The following NUP88 variants were observed in gnomAD, a reference collection of about 807,000 sequenced individuals.
NUP88 encodes nuclear pore complex protein Nup88.
Under a neutral mutation model 93.9 loss-of-function variants are expected in NUP88, and 57 were observed. That is an observed-to-expected ratio of 0.61 (90% CI 0.49 to 0.76). NUP88 has a LOEUF of 0.76. Among genes scored for constraint, NUP88 ranks in the 30% least tolerant of loss-of-function variants. The pLI, the probability that NUP88 is intolerant of heterozygous loss-of-function variation, is 0.00. For synonymous variants in NUP88, 346 were observed against 336.8 expected (o/e 1.03, Z -0.30); for missense variants, 911 against 901.0 (o/e 1.01, Z -0.14).
chr17:5,387,498 G>A (rs750417903), intron 13 of NUP88, 32 bp from the exon 14 acceptor site: 3 of 1,607,896 alleles, frequency 1.9e-6, no homozygotes, highest in Non-Finnish European at 2.6e-6. Context: ...GACTCTTGAG[G>A]TCCACCCCTT....
At chr17:5,391,377 C>A (rs1912404916) in intron 10 of NUP88, 184 bp downstream of exon 10, 1 of 548,140 alleles carries the variant, frequency 1.8e-6, no homozygotes, top group Non-Finnish European at 3.3e-6. Flanking sequence ...AGAAACTATA[C>A]CTACAATGAA....
chr17:5,413,976 C>G (rs1806262), intron 3 of NUP88, 33 bp downstream of exon 3: 17 of 1,607,218 alleles, frequency 1.1e-5, no homozygotes, highest in Non-Finnish European at 1.4e-5. Flanking sequence ...CTTTCCCACT[C>G]GCAAGGCTTC....
intron 7 of NUP88, among the ~76,000 whole-genome samples, chr17:5,400,973 C>T (rs187979229): frequency 4.1e-4 from 63 of 152,270 alleles, no homozygotes; most frequent in African/African-American, 1.5e-3. Context: ...TCTGTACCTC[C>T]TTTGAGCCCC....
At chr17:5,417,729 C>T (rs765397697) in intron 1 of NUP88, among the ~76,000 whole-genome samples, 1 of 151,748 alleles carries the variant, frequency 6.6e-6, no homozygotes, top group Non-Finnish European at 1.5e-5. Context: ...ATCCCAACTA[C>T]TCAAGAGGCT....
At position 5,388,865 on chromosome 17, in the gene NUP88, T is replaced by C. The variant is rs751407919; in HGVS notation, c.1580A>G (p.Asp527Gly). The part of the protein sequence containing the change: ...SPLRVLAETP[D>G]SFEKHIRSIL... ...GCTTCTAATATGCTTTTCAAAGGAATCTGGGGTTTCAGCCAGAACACGGAG... is the reference window on the plus strand; with the variant it reads ...GCTTCTAATATGCTTTTCAAAGGAACCTGGGGTTTCAGCCAGAACACGGAG... Residue 527 changes from aspartate (D) to glycine (G), a missense_variant, in exon 11 of 17, where the codon GAT becomes GGT. Transcript: ENST00000573584. The C allele has an allele frequency of 1.2e-6, 2 of 1,613,954 alleles. No individual in the cohort carries two copies. Among genetic ancestry groups the C allele is most frequent in the African/African-American group, 2.7e-5 (2 of 74,920 alleles).
At chr17:5,400,378 C>T (rs887442795) in intron 7 of NUP88, among the ~76,000 whole-genome samples, 1 of 151,790 alleles carries the variant, frequency 6.6e-6, no homozygotes, top group Non-Finnish European at 1.5e-5. Flanking sequence ...CACCTGTGAT[C>T]CCAGCTACTC....
Position 5,387,887 on chromosome 17 carries a change from A to T in NUP88, c.1661T>A (p.Ile554Lys), listed in dbSNP as rs769892507. ...PAFLKASEKD[I>K]APPPEECLQL... ...AAGGCATTCTTCAGGAGGAGGGGCT[A>T]TGTCCTTTTCAGAAGCTCTTAAAAA... The change falls in exon 12 of 17, where the codon ATA becomes AAA. Residue 554 changes from isoleucine to lysine, a missense_variant. Coordinates refer to ENST00000573584, the MANE Select transcript of NUP88 (RefSeq NM_002532.6). The T allele has an allele frequency of 6.2e-7, 1 of 1,613,644 alleles. No individual in the cohort carries two copies. The highest frequency in any genetic ancestry group is 2.2e-5 in the East Asian group (1 of 44,880).
intron 1 of NUP88, among the ~76,000 whole-genome samples, chr17:5,417,715 T>C (rs1315456803): frequency 1.3e-5 from 2 of 151,832 alleles, no homozygotes; most frequent in African/African-American, 4.8e-5. Context: ...GGAGTGGGCC[T>C]GTAATCCCAA....
In NUP88 at chr17:5,416,567, T is replaced by C; in HGVS notation, c.413A>G (p.Lys138Arg). ...AAATTCAGAATTCTTCCCCCATCTT[T>C]TAGGTAATTCTAATACCATAAGTCC... ...IKGLMVLELP[K>R]RWGKNSEFEG... Residue 138 changes from lysine (K) to arginine (R), a missense_variant, in exon 2 of 17, where the codon AAA becomes AGA. By Grantham distance (26) the Lys-to-Arg change is conservative. Coordinates refer to ENST00000573584, the MANE Select transcript of NUP88 (RefSeq NM_002532.6). 6.2e-7 allele frequency: 1 copy of C among 1,612,290 alleles called. No homozygotes were observed. Among genetic ancestry groups the C allele is most frequent in the African/African-American group, 1.3e-5 (1 of 75,000 alleles).
intron 10 of NUP88, among the ~76,000 whole-genome samples, chr17:5,389,760 A>C (rs57284430): frequency 0.42 from 59,350 of 140,028 alleles, 13,314 homozygotes; most frequent in East Asian, 0.83. Flanking sequence ...TGGGTGACAG[A>C]GCAAGACTCT....
At chr17:5,399,291 T>C (rs974885920) in intron 8 of NUP88, among the ~76,000 whole-genome samples, 4 of 151,556 alleles carry the variant, frequency 2.6e-5, no homozygotes, top group Admixed American at 6.6e-5. Flanking sequence ...CCATCTAGAT[T>C]ATGTAAATGG....
chr17:5,387,799 T>C lies in NUP88; in HGVS notation c.1749A>G (p.Ala583=), dbSNP rs759437163. 1 of 1,612,242 alleles carries C rather than the reference T, an allele frequency of 6.2e-7. No individual in the cohort carries two copies. Among genetic ancestry groups the C allele is most frequent in the Admixed American group, 1.7e-5 (1 of 59,428 alleles). Residue 583 remains alanine, a synonymous_variant, in exon 12 of 17, where the codon GCA becomes GCG. Transcript: ENST00000573584. ...CATACCTCCGCTGAATCTCCTCCTT[T>C]GCCAAGTCCTGTTTGAGAATGTACT... ...REQYILKQDL[A]KEEIQRRVKL... is the part of the protein sequence containing the mutation.
chr17:5,419,508 G>A lies in NUP88; in HGVS notation c.143C>T (p.Pro48Leu). ...CAGCAACTGCGGCGGCGGCGACGAA[G>A]GCAACGACGAAGAAGCTGGTTTCTC... ...EAEKPASSSLPSSPPPQLLTR... is the reference protein window; with the variant it reads ...EAEKPASSSLLSSPPPQLLTR... The change falls in exon 1 of 17, where the codon CCT becomes CTT. Residue 48 changes from proline to leucine, a missense_variant. Physicochemically the swap from Pro to Leu is moderately conservative, Grantham distance 98 (BLOSUM62 -3). Coordinates refer to ENST00000573584, the MANE Select transcript of NUP88 (RefSeq NM_002532.6). 6.2e-7 allele frequency: 1 copy of A among 1,613,984 alleles called. No individual in the cohort carries two copies. Among genetic ancestry groups the A allele is most frequent in the Non-Finnish European group, 8.5e-7 (1 of 1,179,924 alleles).
Position 5,416,549 on chromosome 17 carries a change from G to T in NUP88, c.431C>A (p.Ser144Tyr), listed in dbSNP as rs767686454. 3 of 1,610,916 alleles carry T rather than the reference G, an allele frequency of 1.9e-6. No homozygotes were observed. Among genetic ancestry groups the T allele is most frequent in the East Asian group, 4.5e-5 (2 of 44,720 alleles). Residue 144 changes from serine (S) to tyrosine (Y), a missense_variant, in exon 2 of 17, where the codon TCT (serine) becomes TAT (tyrosine). Transcript: ENST00000573584. ...TGTTGATTTTCCACCTTCAAATTCA[G>T]AATTCTTCCCCCATCTTTTAGGTAA... ...LELPKRWGKN[S>Y]EFEGGKSTVN...
At chr17:5,416,188 T>TACACAC (rs149950508) in intron 2 of NUP88, among the ~76,000 whole-genome samples, 19,666 of 124,752 alleles carry the variant, frequency 0.16, 2,350 homozygotes, top group East Asian at 0.52. Context: ...TATACACACA[T>TACACAC]ACACACACAC....
rs971056933 is a variant in NUP88 at position 5,391,733 on chromosome 17, G to C, written c.1383-71C>G. 36 of 1,290,330 alleles carry C rather than the reference G, an allele frequency of 2.8e-5. No homozygotes were observed. In the South Asian group the frequency reaches 4.4e-4, roughly 16 times the overall value. 79.9% of individuals were successfully genotyped at this position (1,290,330 alleles called of 1,614,324 possible). On this transcript the variant is annotated intron_variant, in intron 9 of 16. Coordinates refer to ENST00000573584, the MANE Select transcript of NUP88 (RefSeq NM_002532.6). The stretch of plus-strand genomic sequence containing the variant: ...TGGAACCAAGAGCAAAGACATGACA[G>C]GTCCGCGGCCTTCTCAGGCCTGGGC...
chr17:5,416,141 T>G (rs1370959603), intron 2 of NUP88, among the ~76,000 whole-genome samples: 1 of 58,964 alleles, frequency 1.7e-5, no homozygotes, highest in East Asian at 1.2e-3. Context: ...CAAGACTCCA[T>G]CTCAAAAAAA....
intron 9 of NUP88, 27 bp downstream of exon 9, chr17:5,394,864 G>A: frequency 6.9e-7 from 1 of 1,445,664 alleles, no homozygotes; most frequent in Non-Finnish European, 9.7e-7. Flanking sequence ...ATTGTTTTCT[G>A]ATATACAAGG....
At chr17:5,411,538 G>A (rs1194633495) in intron 3 of NUP88, among the ~76,000 whole-genome samples, 5 of 145,576 alleles carry the variant, frequency 3.4e-5, no homozygotes, top group Non-Finnish European at 7.4e-5. Flanking sequence ...CCAAGATCAC[G>A]CCACTGCACT....
Sources: gnomAD v4.1 joint callset for allele counts (sites outside exome capture counted in the v4.1 genomes callset) on GRCh38, gnomAD v4.1.1 for gene constraint, MANE v1.5 for transcripts, NCBI Gene and HGNC (gene_info 2026-07-23, HGNC 2026-07-21) for gene names.